Variants in CFAP299 observed in about 807,000 individuals in gnomAD.
The protein encoded by CFAP299 is cilia- and flagella-associated protein 299.
In CFAP299, 21 loss-of-function variants were observed where a neutral mutation model predicts 27.0. The observed-to-expected ratio is 0.78, with a 90% CI of 0.55 to 1.12. CFAP299 has a LOEUF of 1.12. CFAP299 is among the 50% of genes most tolerant of loss of function. CFAP299 has a pLI of 0.00. For missense variants in CFAP299, 310 were observed against 276.6 expected (o/e 1.12, Z -0.86); for synonymous variants, 104 against 98.1 (o/e 1.06, Z -0.36).
intron 5 of CFAP299, among the ~76,000 whole-genome samples, chr4:80,950,356 G>A (rs565182647): frequency 1.3e-5 from 2 of 152,110 alleles, no homozygotes; most frequent in South Asian, 4.2e-4. Flanking sequence ...AAGCTTACAG[G>A]TTAACTGGTG....
intron 2 of CFAP299, among the ~76,000 whole-genome samples, chr4:80,489,238 T>G (rs1730989928): frequency 2.0e-5 from 3 of 152,180 alleles, no homozygotes; most frequent in African/African-American, 7.2e-5. Flanking sequence ...TTTACTATTT[T>G]TAAAACAATT....
At chr4:80,806,395 G>T (rs1339751808) in intron 3 of CFAP299, among the ~76,000 whole-genome samples, 1 of 152,148 alleles carries the variant, frequency 6.6e-6, no homozygotes, top group Non-Finnish European at 1.5e-5. Context: ...AGGTGTACTT[G>T]GAGAGCTTGA....
At chr4:80,788,578 G>T (rs1458045266) in intron 3 of CFAP299, among the ~76,000 whole-genome samples, 1 of 151,962 alleles carries the variant, frequency 6.6e-6, no homozygotes, top group Admixed American at 6.6e-5. Context: ...TCTCTATGGG[G>T]TGTGTGTGCA....
chr4:80,496,940 G>A (rs1731476132), intron 2 of CFAP299, among the ~76,000 whole-genome samples: 1 of 152,082 alleles, frequency 6.6e-6, no homozygotes, highest in African/African-American at 2.4e-5. Flanking sequence ...AAATGATCAT[G>A]TCTCATGAAA....
At chr4:80,952,772 GC>G (rs1737850191) in intron 5 of CFAP299, among the ~76,000 whole-genome samples, 1 of 151,594 alleles carries the variant, frequency 6.6e-6, no homozygotes, top group African/African-American at 2.4e-5. Flanking sequence ...CCTCTGTTCT[GC>G]CCTCTCAGGC....
intron 3 of CFAP299, among the ~76,000 whole-genome samples, chr4:80,625,489 A>G (rs547736018): frequency 6.6e-6 from 1 of 152,048 alleles, no homozygotes; most frequent in South Asian, 2.1e-4. Context: ...AAAAAACTAG[A>G]AAACAGTTAA....
intron 2 of CFAP299, among the ~76,000 whole-genome samples, chr4:80,540,845 A>T (rs1161716300): frequency 1.3e-5 from 2 of 152,240 alleles, no homozygotes; most frequent in African/African-American, 2.4e-5. Context: ...CTTATATCTT[A>T]TAACAAACCT....
At chr4:80,473,773 G>T (rs1412278708) in intron 2 of CFAP299, among the ~76,000 whole-genome samples, 2 of 151,928 alleles carry the variant, frequency 1.3e-5, no homozygotes, top group Non-Finnish European at 2.9e-5. Context: ...TAAATTTTTT[G>T]TAGAGACAGG....
chr4:80,892,190 C>T (rs914972189), intron 4 of CFAP299, among the ~76,000 whole-genome samples: 13 of 151,964 alleles, frequency 8.6e-5, no homozygotes, highest in African/African-American at 7.3e-5. Flanking sequence ...ATAGAGAACC[C>T]GGAGACAAAT....
At chr4:80,448,735 T>C (rs1045886189) in intron 2 of CFAP299, among the ~76,000 whole-genome samples, 5 of 152,188 alleles carry the variant, frequency 3.3e-5, no homozygotes, top group African/African-American at 9.7e-5. Context: ...CTGAACTCAA[T>C]TTCAACAGGT....
At chr4:80,749,483 A>T (rs1724812664) in intron 3 of CFAP299, among the ~76,000 whole-genome samples, 1 of 152,242 alleles carries the variant, frequency 6.6e-6, no homozygotes. Flanking sequence ...ACATATCACA[A>T]GGTGAAGTCC....
intron 3 of CFAP299, among the ~76,000 whole-genome samples, chr4:80,681,517 C>T (rs1719841171): frequency 6.6e-6 from 1 of 152,070 alleles, no homozygotes; most frequent in Admixed American, 6.6e-5. Context: ...GGAACTTGGG[C>T]ATGAGAGGAC....
At chr4:80,569,167 G>A (rs1367906656) in intron 2 of CFAP299, among the ~76,000 whole-genome samples, 1 of 152,002 alleles carries the variant, frequency 6.6e-6, no homozygotes, top group Non-Finnish European at 1.5e-5. Flanking sequence ...GAACCCTGTT[G>A]ATAGCTCCAT....
intron 3 of CFAP299, among the ~76,000 whole-genome samples, chr4:80,656,692 G>A (rs1260055468): frequency 1.3e-5 from 2 of 152,126 alleles, no homozygotes; most frequent in East Asian, 3.8e-4. Context: ...ACATACATGT[G>A]CATGTGTCTT....
At chr4:80,603,470 C>G (rs1737475352) in intron 3 of CFAP299, among the ~76,000 whole-genome samples, 1 of 152,082 alleles carries the variant, frequency 6.6e-6, no homozygotes, top group Non-Finnish European at 1.5e-5. Flanking sequence ...ATTATAATAG[C>G]TATCGCTGAG....
At position 80,885,106 on chromosome 4, in the gene CFAP299, C is replaced by T. The variant is rs554982679; in HGVS notation, c.476+14971C>T. Among the ~76,000 whole-genome samples, 8 of 152,230 alleles carry T rather than the reference C, an allele frequency of 5.3e-5. No individual in the cohort carries two copies. The South Asian group carries it at 8.3e-4, about 16-fold the overall frequency. On this transcript the variant is annotated intron_variant, in intron 4 of 5. Coordinates refer to ENST00000358105, the MANE Select transcript of CFAP299 (RefSeq NM_152770.3). ...TTGAACTCAGTGCTGCCCTATCACA[C>T]GCAGCAGATAATAAGGACTTGCTGG... is the stretch of plus-strand genomic sequence containing the variant.
At chr4:80,406,130 G>T (rs1469158366) in intron 2 of CFAP299, among the ~76,000 whole-genome samples, 1 of 152,126 alleles carries the variant, frequency 6.6e-6, no homozygotes, top group East Asian at 1.9e-4. Flanking sequence ...AAATATGTTA[G>T]TATATTGATT....
chr4:80,849,184 A>G (rs1578180274), intron 3 of CFAP299, among the ~76,000 whole-genome samples: 1 of 151,868 alleles, frequency 6.6e-6, no homozygotes, highest in Admixed American at 6.6e-5. Flanking sequence ...ATTTTTTATT[A>G]TTTTTTCTTT....
intron 3 of CFAP299, among the ~76,000 whole-genome samples, chr4:80,741,183 A>G (rs1240387650): frequency 8.0e-6 from 1 of 125,104 alleles, no homozygotes; most frequent in Non-Finnish European, 1.5e-5. Context: ...CTCAGGGTCT[A>G]TGGTCCACAG....
Sources: allele counts gnomAD v4.1 joint callset (sites outside exome capture counted in the v4.1 genomes callset), GRCh38; gene constraint gnomAD v4.1.1; transcripts MANE v1.5; gene names NCBI Gene and HGNC (gene_info 2026-07-23, HGNC 2026-07-21).